Variants in TTC21B observed in about 807,000 individuals in gnomAD.
TTC21B encodes tetratricopeptide repeat domain 21B.
Under a neutral mutation model 175.1 loss-of-function variants are expected in TTC21B, and 127 were observed. The observed-to-expected ratio is 0.73, with a 90% CI of 0.63 to 0.84. The LOEUF is 0.84. Ranked by LOEUF, TTC21B falls within the 40% of genes least tolerant of loss-of-function variation. The probability of loss-of-function intolerance (pLI) is 0.00; values close to 1 mark genes in which losing one functional copy is unlikely to be tolerated. For missense variants in TTC21B, 1,561 were observed against 1,558.3 expected (o/e 1.00, Z -0.03); for synonymous variants, 524 against 524.5 (o/e 1.00, Z 0.01).
intron 11 of TTC21B, among the ~76,000 whole-genome samples, chr2:165,928,412 A>T (rs150118582): frequency 6.6e-6 from 1 of 152,146 alleles, no homozygotes; most frequent in African/African-American, 2.4e-5. Flanking sequence ...TTCCAGAATA[A>T]GGGAGGAAAA....
At chr2:165,914,655 A>ATG (rs1466920048) in intron 15 of TTC21B, among the ~76,000 whole-genome samples, 30 of 75,700 alleles carry the variant, frequency 4.0e-4, no homozygotes, top group East Asian at 3.0e-3. Context: ...AGGAAGAGCA[A>ATG]TCTGTGTGTG....
chr2:165,915,344 TAG>T lies in TTC21B; in HGVS notation c.1993_1994del (p.Leu665SerfsTer6). 4 of 1,614,154 alleles carry T rather than the reference TAG, an allele frequency of 2.5e-6. No individual in the cohort carries two copies. The highest frequency in any genetic ancestry group is 3.4e-6 in the Non-Finnish European group (4 of 1,179,990). On this transcript the variant is annotated frameshift_variant, in exon 15 of 29. Transcript: ENST00000243344. LOFTEE classifies it high-confidence loss of function. ...RVTIANADLA[L>X]AQGDIERALS... ...AAGCCCGTTCAATATCTCCTTGGGC[TAG>T]AGCAAGGTCTGCATTAGCAATGGTA...
chr2:165,874,853 C>T (rs775107925), intron 28 of TTC21B, 21 bp from the exon 29 acceptor site: 1 of 1,609,180 alleles, frequency 6.2e-7, no homozygotes. Context: ...AATAAAGAAC[C>T]CATAAAAACT....
In TTC21B at chr2:165,917,024, G is replaced by A. The variant is rs897560311; in HGVS notation, c.1899+233C>T. On this transcript the variant is annotated intron_variant, in intron 14 of 28. Transcript: ENST00000243344. The stretch of plus-strand genomic sequence containing the variant: ...CCCGAGCAGCTGGAACTACAGGTGC[G>A]CACTACCACATCCAGCTCATTTTTT... Among the ~76,000 whole-genome samples, 11 of 151,888 alleles carry A rather than the reference G, an allele frequency of 7.2e-5. No individual in the cohort carries two copies. The South Asian group carries it at 1.5e-3, about 20-fold the overall frequency.
intron 20 of TTC21B, among the ~76,000 whole-genome samples, chr2:165,900,730 A>T (rs928318824): frequency 9.9e-5 from 15 of 152,050 alleles, no homozygotes; most frequent in African/African-American, 2.9e-4. Context: ...TTGAGAAATT[A>T]TTTTAAATTA....
chr2:165,887,315 G>A lies in TTC21B; in HGVS notation c.3459+964C>T, dbSNP rs557418544. Among the ~76,000 whole-genome samples the A allele has an allele frequency of 6.6e-5, 10 of 152,278 alleles. No individual in the cohort carries two copies. The East Asian group carries it at 1.9e-3, about 29-fold the overall frequency. ...AACAAACATGAAATTCAATGAGTAT[G>A]CTTAGAAGTAACTATTACCAACTGC... is the stretch of plus-strand genomic sequence containing the variant. On this transcript the variant is annotated intron_variant, in intron 25 of 28. Coordinates refer to ENST00000243344, the MANE Select transcript of TTC21B (RefSeq NM_024753.5).
chr2:165,951,719 T>G (rs944396453), intron 1 of TTC21B, among the ~76,000 whole-genome samples: 10 of 152,176 alleles, frequency 6.6e-5, no homozygotes, highest in African/African-American at 2.4e-4. Context: ...CTACTATGAA[T>G]AGAAAAATGA....
chr2:165,885,539 C>A (rs537214393), intron 25 of TTC21B, among the ~76,000 whole-genome samples: 1 of 152,256 alleles, frequency 6.6e-6, no homozygotes, highest in Non-Finnish European at 1.5e-5. Flanking sequence ...GAGCCTCACC[C>A]TCTCCCCACC....
intron 12 of TTC21B, among the ~76,000 whole-genome samples, chr2:165,923,257 A>C (rs1686485849): frequency 6.6e-6 from 1 of 152,162 alleles, no homozygotes. Flanking sequence ...AAAATAAAAA[A>C]ATAAAGAAAA....
At chr2:165,905,859 T>C (rs1415973325) in intron 19 of TTC21B, among the ~76,000 whole-genome samples, 1 of 133,508 alleles carries the variant, frequency 7.5e-6, no homozygotes, top group African/African-American at 2.6e-5. Context: ...GCAAAAGTAA[T>C]TGTGGTTACA....
intron 11 of TTC21B, among the ~76,000 whole-genome samples, chr2:165,925,816 C>A (rs969218052): frequency 7.2e-5 from 11 of 151,898 alleles, no homozygotes; most frequent in African/African-American, 2.2e-4. Flanking sequence ...CTTCTTTGCA[C>A]GGTAATAGAT....
chr2:165,953,501 G>C (rs906231236), intron 1 of TTC21B, among the ~76,000 whole-genome samples, 184 bp downstream of exon 1: 1 of 152,206 alleles, frequency 6.6e-6, no homozygotes, highest in Admixed American at 6.5e-5. Flanking sequence ...CCCCAGCAGG[G>C]CCCGCGGAGA....
At chr2:165,936,540 A>G (rs775943296) in intron 6 of TTC21B, among the ~76,000 whole-genome samples, 5 of 152,102 alleles carry the variant, frequency 3.3e-5, no homozygotes, top group Admixed American at 6.5e-5. Context: ...AGATATAGAT[A>G]TATCTGATAA....
chr2:165,934,518 A>G (rs1229626734), intron 6 of TTC21B, among the ~76,000 whole-genome samples: 23 of 71,586 alleles, frequency 3.2e-4, no homozygotes, highest in Non-Finnish European at 6.2e-4. Context: ...AAAAAAAAAA[A>G]AAAGAAAAGA....
At chr2:165,946,290 G>T (rs1687559620) in intron 3 of TTC21B, among the ~76,000 whole-genome samples, 1 of 151,880 alleles carries the variant, frequency 6.6e-6, no homozygotes. Context: ...AGTGAGCAGA[G>T]ATCGCGCCAC....
intron 1 of TTC21B, among the ~76,000 whole-genome samples, chr2:165,951,725 A>T (rs1319915017): frequency 6.6e-6 from 1 of 152,238 alleles, no homozygotes; most frequent in African/African-American, 2.4e-5. Context: ...TGAATAGAAA[A>T]ATGAGTAAGA....
At chr2:165,914,680 T>TGTGTGTGCGCGCGTGTGCGCGCGC (rs1553511369) in intron 15 of TTC21B, among the ~76,000 whole-genome samples, 4 of 144,164 alleles carry the variant, frequency 2.8e-5, no homozygotes, top group African/African-American at 1.1e-4. Context: ...TGTGTGTGTG[T>TGTGTGTGCGCGCGTGTGCGCGCGC]GTGTGTGTGT....
rs140386453 is a variant in TTC21B, at chr2:165,894,908, A to G, written c.2950+3778T>C. ...GTAATAAAGACGTATGGACAAAGTA[A>G]CCGAGGATTAGGGTTACCAACTCAT... is the stretch of plus-strand genomic sequence containing the variant. On this transcript the variant is annotated intron_variant, in intron 22 of 28. Transcript: ENST00000243344. 4.2e-3 allele frequency among the ~76,000 whole-genome samples: 642 copies of G among 152,292 alleles called. 5 individuals are homozygous for G. Among genetic ancestry groups the G allele is most frequent in the African/African-American group, 0.014 (593 of 41,546 alleles).
At chr2:165,890,314 T>C (rs1172986246) in intron 24 of TTC21B, among the ~76,000 whole-genome samples, 165 bp downstream of exon 24, 2 of 152,224 alleles carry the variant, frequency 1.3e-5, no homozygotes, top group Admixed American at 1.3e-4. Flanking sequence ...TTCAATTTGC[T>C]AAAATAACTA....
Sources: allele counts gnomAD v4.1 joint callset (sites outside exome capture counted in the v4.1 genomes callset), GRCh38; gene constraint gnomAD v4.1.1; transcripts MANE v1.5; gene names NCBI Gene and HGNC (gene_info 2026-07-23, HGNC 2026-07-21).